ZNF577: variants seen among roughly 807,000 people sequenced by gnomAD.
The protein encoded by ZNF577 is zinc finger protein 577.
In ZNF577, 14 loss-of-function variants were observed where a neutral mutation model predicts 13.9. The ratio of observed to expected loss-of-function variants is 1.00; its 90% CI spans 0.66 to 1.57. ZNF577 has a LOEUF of 1.57. Ranked by LOEUF, ZNF577 falls within the 40% of genes most tolerant of loss-of-function variation. The probability of loss-of-function intolerance (pLI) is 0.00; values close to 1 mark genes in which losing one functional copy is unlikely to be tolerated. For missense variants in ZNF577, 555 were observed against 579.2 expected, an observed-to-expected ratio of 0.96 and a Z score of 0.43; for synonymous variants, 203 against 202.9, an observed-to-expected ratio of 1.00 and a Z score of 0.00.
At chr19:51,849,184 G>C (rs2084368372) in intron 5 of ZNF577, among the ~76,000 whole-genome samples, 1 of 152,142 alleles carries the variant, frequency 6.6e-6, no homozygotes, top group Non-Finnish European at 1.5e-5. Flanking sequence ...CTTCTCCAAT[G>C]GAGAAAGGGT....
rs1054926522 is a variant in ZNF577 at position 51,824,334 on chromosome 19, A to G, written c.*600-12660T>C. On this transcript the variant is annotated intron_variant and NMD_transcript_variant, in intron 9 of 10. Transcript: ENST00000638827. The surrounding 1 kb of genome is among the most constrained non-coding windows in gnomAD (Gnocchi z 4.7). Reference sequence around the variant, plus strand: ...TGTAGAGAGGTTGAACGTGTTCATTACCATGGCCAAGGTCTTTCTGATCCT... The same window carrying G: ...TGTAGAGAGGTTGAACGTGTTCATTGCCATGGCCAAGGTCTTTCTGATCCT... The G allele has an allele frequency of 6.2e-7, 1 of 1,614,036 alleles. No individual in the cohort carries two copies. Among genetic ancestry groups the G allele is most frequent in the African/African-American group, 1.3e-5 (1 of 74,912 alleles).
intron 1 of ZNF577, among the ~76,000 whole-genome samples, chr19:51,884,042 C>G (rs974102702): frequency 6.6e-6 from 1 of 152,178 alleles, no homozygotes. Context: ...CCACTGCAGT[C>G]CGGCCTCGGT....
chr19:51,856,152 G>A (rs879819575), intron 5 of ZNF577, among the ~76,000 whole-genome samples: 6 of 152,138 alleles, frequency 3.9e-5, no homozygotes, highest in Admixed American at 2.0e-4. Flanking sequence ...ATACGCAGAG[G>A]CCTTGTCTCT....
At chr19:51,845,794 T>G (rs2084348601) in intron 5 of ZNF577, among the ~76,000 whole-genome samples, 1 of 152,366 alleles carries the variant, frequency 6.6e-6, no homozygotes, top group African/African-American at 2.4e-5. Flanking sequence ...TGTCACCAAG[T>G]GACAGGATTT....
intron 9 of ZNF577, chr19:51,824,000 A>G (rs2084211212): frequency 6.2e-7 from 1 of 1,614,100 alleles, no homozygotes. Context: ...GAATGGTCTC[A>G]GTCGCCATGA....
intron 9 of ZNF577, among the ~76,000 whole-genome samples, chr19:51,813,774 T>C (rs1399537219): frequency 6.6e-6 from 1 of 152,174 alleles, no homozygotes; most frequent in Non-Finnish European, 1.5e-5. Context: ...GACCTCGTGA[T>C]CCACCCACCT....
chr19:51,857,833 GATT>G (rs1262494128), intron 5 of ZNF577, among the ~76,000 whole-genome samples: 1 of 152,086 alleles, frequency 6.6e-6, no homozygotes, highest in African/African-American at 2.4e-5. Flanking sequence ...TCAAATCTAA[GATT>G]ATTATTTTAA....
intron 9 of ZNF577, chr19:51,825,520 A>G (rs2084226576): frequency 1.2e-5 from 2 of 167,098 alleles, no homozygotes; most frequent in African/African-American, 4.8e-5. Context: ...AGGAAAGGAG[A>G]GAGATTCTGT....
intron 10 of ZNF577, among the ~76,000 whole-genome samples, chr19:51,805,971 A>C (rs2084056268): frequency 2.0e-5 from 3 of 152,288 alleles, no homozygotes; most frequent in African/African-American, 7.2e-5. Flanking sequence ...ATGTGTTCGC[A>C]ATGTGCTATG....
chr19:51,836,109 GA>G (rs892931819), intron 9 of ZNF577, among the ~76,000 whole-genome samples: 2 of 151,888 alleles, frequency 1.3e-5, no homozygotes, highest in African/African-American at 2.4e-5. Context: ...ATAAATGGAA[GA>G]AAAAAATACC....
At chr19:51,814,213 T>C (rs1488730129) in intron 9 of ZNF577, among the ~76,000 whole-genome samples, 1 of 152,212 alleles carries the variant, frequency 6.6e-6, no homozygotes, top group African/African-American at 2.4e-5. Context: ...GTCTTCATGG[T>C]TGTGTTGTTT....
In ZNF577 at chr19:51,869,682, A is replaced by G. The variant is rs2084626212; in HGVS notation, c.*2850T>C. On this transcript the variant is annotated 3_prime_UTR_variant, in exon 6 of 6. Coordinates refer to ENST00000638348, the MANE Select transcript of ZNF577 (RefSeq NM_001370449.1). Reference sequence around the variant, plus strand: ...TGACGAGAAACACCCACAGGTGTGGACGGGCTGGACCCCTTCAATGTGGAG... The same window carrying G: ...TGACGAGAAACACCCACAGGTGTGGGCGGGCTGGACCCCTTCAATGTGGAG... Among the ~76,000 whole-genome samples, 1 of 152,152 alleles carries G rather than the reference A, an allele frequency of 6.6e-6. No individual in the cohort carries two copies. Among genetic ancestry groups the G allele is most frequent in the Non-Finnish European group, 1.5e-5 (1 of 68,028 alleles).
chr19:51,806,790 TATGAGA>T (rs1165588957), intron 10 of ZNF577, among the ~76,000 whole-genome samples: 6 of 152,232 alleles, frequency 3.9e-5, no homozygotes, highest in African/African-American at 1.4e-4. Flanking sequence ...CCATGCAGCA[TATGAGA>T]ATAAGTGAAA....
intron 5 of ZNF577, among the ~76,000 whole-genome samples, chr19:51,849,483 C>A (rs923536958): frequency 6.6e-6 from 1 of 152,218 alleles, no homozygotes; most frequent in African/African-American, 2.4e-5. Flanking sequence ...GGTTCACCCC[C>A]TTCTGCCTTT....
intron 5 of ZNF577, among the ~76,000 whole-genome samples, chr19:51,851,644 T>C (rs1194772728): frequency 1.3e-5 from 2 of 152,050 alleles, no homozygotes; most frequent in Non-Finnish European, 2.9e-5. Context: ...AGACACCTTA[T>C]TTCACACAGA....
downstream of ZNF577, chr19:51,862,701 G>A (rs1255005034): frequency 3.9e-5 from 6 of 151,930 alleles, no homozygotes; most frequent in Non-Finnish European, 8.8e-5. Flanking sequence ...GCTCAGATCT[G>A]GTCTTCAAAG....
At chr19:51,849,144 T>C (rs1483260005) in intron 5 of ZNF577, among the ~76,000 whole-genome samples, 1 of 152,220 alleles carries the variant, frequency 6.6e-6, no homozygotes. Context: ...AAGGAAACTA[T>C]ACACAGGTCT....
intron 5 of ZNF577, among the ~76,000 whole-genome samples, chr19:51,848,115 T>A (rs1186329361): frequency 6.6e-6 from 1 of 152,172 alleles, no homozygotes; most frequent in East Asian, 1.9e-4. Flanking sequence ...ATCTAACTGA[T>A]CCTTTCTAAT....
At chr19:51,853,473 T>C (rs1555745327) in intron 5 of ZNF577, among the ~76,000 whole-genome samples, 1 of 152,202 alleles carries the variant, frequency 6.6e-6, no homozygotes, top group Non-Finnish European at 1.5e-5. Context: ...CTCTTTCTCT[T>C]TTACCTGCTG....
Sources: gnomAD v4.1 joint callset for allele counts (sites outside exome capture counted in the v4.1 genomes callset) on GRCh38, gnomAD v4.1.1 for gene constraint, Gnocchi (gnomAD v3.1) non-coding constraint, MANE v1.5 for transcripts, NCBI Gene and HGNC (gene_info 2026-07-23, HGNC 2026-07-21) for gene names.